Variants in DDX31 observed in about 807,000 individuals in gnomAD.
The protein encoded by DDX31 is ATP-dependent DNA helicase DDX31.
DDX31 carries 70 observed loss-of-function variants against 91.3 expected under a neutral mutation model. The ratio of observed to expected loss-of-function variants is 0.77; its 90% CI spans 0.63 to 0.94. The LOEUF (loss-of-function observed/expected upper bound fraction) is 0.94, where lower values mean the gene tolerates loss of function less well. Among genes scored for constraint, DDX31 ranks in the 40% least tolerant of loss-of-function variants. The pLI is 0.00. For missense variants in DDX31, 902 were observed against 925.0 expected (o/e 0.98, Z 0.32); for synonymous variants, 362 against 350.6 (o/e 1.03, Z -0.36).
intron 19 of DDX31, among the ~76,000 whole-genome samples, chr9:132,606,583 A>G (rs1831037643): frequency 6.6e-6 from 1 of 152,202 alleles, no homozygotes. Context: ...CGTGCCGGAC[A>G]CCACGATGTT....
intron 19 of DDX31, among the ~76,000 whole-genome samples, chr9:132,604,598 T>A (rs1018034288): frequency 6.6e-6 from 1 of 152,158 alleles, no homozygotes; most frequent in Admixed American, 6.5e-5. Context: ...GGACTGTCCC[T>A]GGGTCAAGTT....
rs1320813378 is a variant in DDX31 at position 132,594,821 on chromosome 9, T to G, written c.*45A>C. ...TGACAAGAACTGGACATCAATCCAC[T>G]GCCACCCGGGGCTTCCAGGTTCCAC... is the stretch of plus-strand genomic sequence containing the variant. On this transcript the variant is annotated 3_prime_UTR_variant, in exon 20 of 20. Coordinates refer to ENST00000372159, the MANE Select transcript of DDX31 (RefSeq NM_022779.9). 1.2e-6 allele frequency: 2 copies of G among 1,601,270 alleles called. No homozygotes were observed. The highest frequency in any genetic ancestry group is 3.4e-5 in the Admixed American group (2 of 59,126).
chr9:132,652,296 G>A (rs1003298084), intron 7 of DDX31, 152 bp downstream of exon 7: 8 of 801,870 alleles, frequency 1.0e-5, no homozygotes, highest in African/African-American at 3.4e-5. Flanking sequence ...TTTTCTCCTT[G>A]ACAAGAACCA....
intron 6 of DDX31, among the ~76,000 whole-genome samples, chr9:132,656,403 T>C (rs189371024): frequency 6.6e-6 from 1 of 152,278 alleles, no homozygotes; most frequent in Admixed American, 6.5e-5. Context: ...AAATATGACA[T>C]ATAACCAATC....
At chr9:132,638,538 C>T (rs1044846846) in intron 14 of DDX31, among the ~76,000 whole-genome samples, 6 of 152,172 alleles carry the variant, frequency 3.9e-5, no homozygotes, top group Non-Finnish European at 5.9e-5. Flanking sequence ...CCAGAAGACA[C>T]GAAATTACAT....
At chr9:132,668,968 C>T (rs1459037792) in intron 1 of DDX31, among the ~76,000 whole-genome samples, 1 of 151,894 alleles carries the variant, frequency 6.6e-6, no homozygotes, top group African/African-American at 2.4e-5. Context: ...AAAGCGGGGG[C>T]TTCCAGGCTA....
At chr9:132,645,818 G>A in intron 13 of DDX31, 77 bp downstream of exon 13, 3 of 1,480,732 alleles carry the variant, frequency 2.0e-6, no homozygotes, top group Non-Finnish European at 2.7e-6. Context: ...TAAAGACCAG[G>A]TTTGCCGGAC....
chr9:132,654,995 C>G (rs1412996032), intron 6 of DDX31, among the ~76,000 whole-genome samples: 1 of 150,430 alleles, frequency 6.6e-6, no homozygotes, highest in Non-Finnish European at 1.5e-5. Context: ...CAGCTGAGAG[C>G]ATTGGAGGGC....
chr9:132,618,428 A>G lies in DDX31; in HGVS notation c.1727T>C (p.Val576Ala), dbSNP rs758727880. 6.2e-7 allele frequency: 1 copy of G among 1,611,044 alleles called. No individual in the cohort carries two copies. The highest frequency in any genetic ancestry group is 1.7e-5 in the Admixed American group (1 of 59,450). ...TCGCTCTCGGATTTCCTGGGGGCCA[A>G]CAGCATGGGATTTCTGAGAGGGCGA... is the stretch of plus-strand genomic sequence containing the variant. The part of the protein sequence containing the change: ...KRWGAQKSHA[V>A]GPQEIRERAT... Residue 576 changes from valine (V) to alanine (A), a missense_variant, in exon 18 of 20, where the codon GTT (valine) becomes GCT (alanine). Coordinates refer to ENST00000372159, the MANE Select transcript of DDX31 (RefSeq NM_022779.9).
At chr9:132,656,861 G>A (rs2130818999) in intron 6 of DDX31, among the ~76,000 whole-genome samples, 1 of 152,264 alleles carries the variant, frequency 6.6e-6, no homozygotes, top group East Asian at 1.9e-4. Context: ...CATGATTGTA[G>A]TAATTTACAT....
intron 1 of DDX31, among the ~76,000 whole-genome samples, chr9:132,669,175 T>C (rs986404746): frequency 6.6e-6 from 1 of 152,136 alleles, no homozygotes; most frequent in Admixed American, 6.6e-5. Flanking sequence ...CTTAATCTCT[T>C]TAGGATTGGG....
intron 6 of DDX31, among the ~76,000 whole-genome samples, chr9:132,653,054 T>C (rs1039911308): frequency 1.3e-5 from 2 of 151,742 alleles, no homozygotes; most frequent in African/African-American, 2.4e-5. Context: ...ACAAGAAATA[T>C]GATGTATAAA....
At chr9:132,608,576 TTC>T (rs1831155331) in intron 19 of DDX31, among the ~76,000 whole-genome samples, 1 of 152,174 alleles carries the variant, frequency 6.6e-6, no homozygotes, top group African/African-American at 2.4e-5. Context: ...TGAGACAGGC[TTC>T]TGTTAGTCTG....
chr9:132,623,656 A>G (rs1016217468), intron 17 of DDX31, among the ~76,000 whole-genome samples: 4 of 151,758 alleles, frequency 2.6e-5, no homozygotes, highest in Admixed American at 1.3e-4. Context: ...GCTCTTAGCC[A>G]CTCTGCTACA....
At chr9:132,657,083 A>G (rs1834615616) in intron 6 of DDX31, among the ~76,000 whole-genome samples, 1 of 152,250 alleles carries the variant, frequency 6.6e-6, no homozygotes, top group African/African-American at 2.4e-5. Context: ...GTCACACTAT[A>G]CACATCATTT....
At chr9:132,635,454 G>GTTT (rs1228979525) in intron 14 of DDX31, among the ~76,000 whole-genome samples, 4 of 118,146 alleles carry the variant, frequency 3.4e-5, no homozygotes, top group South Asian at 3.1e-4. Context: ...TATGTACATA[G>GTTT]CTTTTTTTTT....
intron 1 of DDX31, chr9:132,669,502 A>T: frequency 1.7e-6 from 2 of 1,195,530 alleles, no homozygotes; most frequent in South Asian, 2.6e-5. Flanking sequence ...GTCCGCACTC[A>T]GTCGAGGAAA....
chr9:132,645,173 C>T (rs548905809), intron 13 of DDX31, among the ~76,000 whole-genome samples: 33 of 152,284 alleles, frequency 2.2e-4, no homozygotes, highest in Non-Finnish European at 3.4e-4. Flanking sequence ...GAGTCTTGCT[C>T]GTTCTTTCTT....
rs924640534 is a variant in DDX31, at chr9:132,593,420, G to A, written c.*1446C>T. On this transcript the variant is annotated 3_prime_UTR_variant, in exon 20 of 20. Transcript: ENST00000372159. ...CAAATCATGTGAACCATTACACATC[G>A]AAATAAAAGAAAGGTGGCAGACTTG... 6.6e-6 allele frequency: 1 copy of A among 152,156 alleles called. No individual in the cohort carries two copies. Among genetic ancestry groups the A allele is most frequent in the Non-Finnish European group, 1.5e-5 (1 of 68,026 alleles). 9.4% of individuals were successfully genotyped at this position (152,156 alleles called of 1,614,324 possible).
Sources: allele counts gnomAD v4.1 joint callset (sites outside exome capture counted in the v4.1 genomes callset), GRCh38; gene constraint gnomAD v4.1.1; transcripts MANE v1.5; gene names NCBI Gene and HGNC (gene_info 2026-07-23, HGNC 2026-07-21).